The following GNAQ variants were observed in gnomAD, a reference collection of about 807,000 sequenced individuals.
GNAQ encodes the protein guanine nucleotide-binding protein G(q) subunit alpha.
A neutral mutation model predicts 43.9 loss-of-function variants in GNAQ; 8 were observed. The observed-to-expected ratio is 0.18, with a 90% CI of 0.11 to 0.33. The LOEUF is 0.33. GNAQ is among the 10% of genes least tolerant of loss of function. The probability of loss-of-function intolerance (pLI) is 1.00; values close to 1 mark genes in which losing one functional copy is unlikely to be tolerated. For synonymous variants in GNAQ, 155 were observed against 170.7 expected (o/e 0.91, Z 0.71); for missense variants, 158 against 450.8 (o/e 0.35, Z 5.88).
intron 1 of GNAQ, among the ~76,000 whole-genome samples, chr9:77,998,634 A>G (rs1192605112): frequency 5.9e-5 from 9 of 152,240 alleles, no homozygotes; most frequent in African/African-American, 1.9e-4. Context: ...CATTGCTTCA[A>G]TATCTATGAA....
chr9:77,804,222 GACTGGAAGAGTA>G (rs912802086), intron 3 of GNAQ, among the ~76,000 whole-genome samples: 3 of 151,982 alleles, frequency 2.0e-5, no homozygotes, highest in Non-Finnish European at 2.9e-5. Flanking sequence ...CCCCACCTAT[GACTGGAAGAGTA>G]ACTGAAATCT....
At chr9:78,026,628 T>C (rs1930543) in intron 1 of GNAQ, among the ~76,000 whole-genome samples, 47,376 of 151,926 alleles carry the variant, frequency 0.31, 7,669 homozygotes, top group South Asian at 0.44. Context: ...CCATCCTAGA[T>C]GGCACTGACC....
intron 3 of GNAQ, among the ~76,000 whole-genome samples, chr9:77,809,132 T>C (rs901311393): frequency 6.6e-6 from 1 of 152,170 alleles, no homozygotes; most frequent in Non-Finnish European, 1.5e-5. Flanking sequence ...AATGTAAGCA[T>C]GCGTTTAGAA....
At chr9:77,846,603 G>A (rs1391277513) in intron 2 of GNAQ, among the ~76,000 whole-genome samples, 1 of 152,112 alleles carries the variant, frequency 6.6e-6, no homozygotes, top group Non-Finnish European at 1.5e-5. Flanking sequence ...AAGGGGCCAG[G>A]GAGATGGCCG....
At chr9:77,916,456 T>C (rs1389736598) in intron 2 of GNAQ, among the ~76,000 whole-genome samples, 2 of 152,200 alleles carry the variant, frequency 1.3e-5, no homozygotes, top group African/African-American at 2.4e-5. Flanking sequence ...CCTGGCTACA[T>C]TTTTCAGGAA....
At chr9:77,787,942 G>C (rs1363587689) in intron 5 of GNAQ, among the ~76,000 whole-genome samples, 2 of 152,082 alleles carry the variant, frequency 1.3e-5, no homozygotes, top group African/African-American at 4.8e-5. Context: ...AGACAGGAGA[G>C]TCGCTCGAAC....
intron 1 of GNAQ, among the ~76,000 whole-genome samples, chr9:77,959,046 G>T (rs1210634134): frequency 6.6e-6 from 1 of 152,142 alleles, no homozygotes; most frequent in Non-Finnish European, 1.5e-5. Context: ...GTTCTTCAAA[G>T]GTGTGGTCCA....
chr9:77,870,682 T>G (rs1000506089), intron 2 of GNAQ, among the ~76,000 whole-genome samples: 1 of 152,076 alleles, frequency 6.6e-6, no homozygotes. Flanking sequence ...ACATTCTTCT[T>G]GAGATAAATA....
intron 2 of GNAQ, among the ~76,000 whole-genome samples, chr9:77,842,236 T>C (rs1481953340): frequency 6.6e-6 from 1 of 152,202 alleles, no homozygotes; most frequent in Non-Finnish European, 1.5e-5. Flanking sequence ...TGAGAGTAAC[T>C]ACTGCCTTGC....
At chr9:77,803,315 T>C (rs1826776160) in intron 3 of GNAQ, among the ~76,000 whole-genome samples, 1 of 152,264 alleles carries the variant, frequency 6.6e-6, no homozygotes, top group Non-Finnish European at 1.5e-5. Flanking sequence ...TGCTTCCTGC[T>C]ATTCTTTAGG....
rs557104562 is a variant in GNAQ, at chr9:77,913,511, T to C, written c.321+8650A>G. On this transcript the variant is annotated intron_variant, in intron 2 of 6. Coordinates refer to ENST00000286548, the MANE Select transcript of GNAQ (RefSeq NM_002072.5). ...TGGCGACTGTATTGGACAGAAGAGA[T>C]AGAAAGCATTTTTATCACCACAGAA... 1.9e-4 allele frequency among the ~76,000 whole-genome samples: 29 copies of C among 152,238 alleles called. No homozygotes were observed. The South Asian group carries it at 6.0e-3, about 32-fold the overall frequency.
chr9:77,915,497 A>G (rs1828885436), intron 2 of GNAQ, among the ~76,000 whole-genome samples: 1 of 152,184 alleles, frequency 6.6e-6, no homozygotes, highest in Non-Finnish European at 1.5e-5. Context: ...CATAATGACA[A>G]TTCCTCTTAT....
intron 5 of GNAQ, among the ~76,000 whole-genome samples, chr9:77,792,689 A>G (rs1826594849): frequency 6.6e-6 from 1 of 152,146 alleles, no homozygotes; most frequent in South Asian, 2.1e-4. Flanking sequence ...TTCTTCATAT[A>G]TATATAATGC....
At chr9:77,994,475 C>T (rs1823545025) in intron 1 of GNAQ, among the ~76,000 whole-genome samples, 1 of 152,232 alleles carries the variant, frequency 6.6e-6, no homozygotes, top group African/African-American at 2.4e-5. Context: ...TTGTGGAACA[C>T]TTTATCCATC....
chr9:77,721,506 C>T lies in GNAQ; in HGVS notation c.897G>A (p.Gln299=). 1.2e-6 allele frequency: 2 copies of T among 1,606,068 alleles called. No homozygotes were observed. The highest frequency in any genetic ancestry group is 1.7e-6 in the Non-Finnish European group (2 of 1,174,884). Reference sequence around the variant, plus strand: ...ATTCTCGGGCTGCCTGGGCATCTCTCTGGGGTCCTTTCGGCCAAGAGACAA... The same window carrying T: ...ATTCTCGGGCTGCCTGGGCATCTCTTTGGGGTCCTTTCGGCCAAGAGACAA... The part of the protein sequence containing the change: ...VDYFPEYDGP[Q]RDAQAAREFI... The change falls in exon 7 of 7, where the codon CAG becomes CAA. Residue 299 remains glutamine (Q), a synonymous_variant. Coordinates refer to ENST00000286548, the MANE Select transcript of GNAQ (RefSeq NM_002072.5).
At chr9:78,001,243 C>CA (rs1003824792) in intron 1 of GNAQ, among the ~76,000 whole-genome samples, 11 of 150,742 alleles carry the variant, frequency 7.3e-5, no homozygotes, top group African/African-American at 1.7e-4. Flanking sequence ...ACTAAAAATA[C>CA]AAAAAAAAAT....
rs79600247 is a variant in GNAQ, at chr9:77,884,717, T to G, written c.321+37444A>C. On this transcript the variant is annotated intron_variant, in intron 2 of 6. Coordinates refer to ENST00000286548, the MANE Select transcript of GNAQ (RefSeq NM_002072.5). ...GGCTGTTCACTCGGGAAGCATAGTT[T>G]GCATCTCAGTACACCCATCTACCCC... Among the ~76,000 whole-genome samples the G allele has an allele frequency of 2.1e-3, 325 of 152,262 alleles. 5 individuals carry two copies. The East Asian group carries it at 0.046, about 22-fold the overall frequency.
intron 1 of GNAQ, among the ~76,000 whole-genome samples, chr9:78,015,688 C>A (rs1823829965): frequency 6.6e-6 from 1 of 151,452 alleles, no homozygotes. Context: ...ATCAAAATGA[C>A]CTCAGAATAA....
At position 78,014,441 on chromosome 9, in the gene GNAQ, A is replaced by G. The variant is rs547707685; in HGVS notation, c.136+16659T>C. Among the ~76,000 whole-genome samples, 29 of 152,192 alleles carry G rather than the reference A, an allele frequency of 1.9e-4. No homozygotes were observed. In the South Asian group the frequency reaches 5.6e-3, roughly 29 times the overall value. The stretch of plus-strand genomic sequence containing the variant: ...CCGACCAACATGGTGAAACCCCCCT[A>G]CTAAAAATACAAAAATTAGCTGGGT... On this transcript the variant is annotated intron_variant, in intron 1 of 6. Coordinates refer to ENST00000286548, the MANE Select transcript of GNAQ (RefSeq NM_002072.5).
Sources: gnomAD v4.1 joint callset for allele counts (sites outside exome capture counted in the v4.1 genomes callset) on GRCh38, gnomAD v4.1.1 for gene constraint, MANE v1.5 for transcripts, NCBI Gene and HGNC (gene_info 2026-07-23, HGNC 2026-07-21) for gene names.